The following DCC variants were observed in gnomAD, a reference collection of about 807,000 sequenced individuals.
The protein encoded by DCC is netrin receptor DCC.
DCC carries 58 observed loss-of-function variants against 172.5 expected under a neutral mutation model. The ratio of observed to expected loss-of-function variants is 0.34; its 90% CI spans 0.27 to 0.42. DCC has a LOEUF of 0.42. Among genes scored for constraint, DCC ranks in the 10% least tolerant of loss-of-function variants. DCC has a pLI of 1.00. For missense variants in DCC, 1,740 were observed against 1,791.0 expected (o/e 0.97, Z 0.51); for synonymous variants, 709 against 644.5 (o/e 1.10, Z -1.52).
chr18:53,265,331 C>G (rs2056660768), intron 12 of DCC, among the ~76,000 whole-genome samples: 1 of 152,016 alleles, frequency 6.6e-6, no homozygotes, highest in African/African-American at 2.4e-5. Flanking sequence ...AAAAGGTAAA[C>G]TTTTTTGCAT....
intron 1 of DCC, among the ~76,000 whole-genome samples, chr18:52,394,316 G>C (rs564770963): frequency 6.6e-6 from 1 of 152,062 alleles, no homozygotes; most frequent in African/African-American, 2.4e-5. Context: ...GCCCAGGCTG[G>C]AGTGCAGAAG....
intron 1 of DCC, among the ~76,000 whole-genome samples, chr18:52,549,319 A>T (rs1196652786): frequency 6.6e-6 from 1 of 152,008 alleles, no homozygotes; most frequent in Non-Finnish European, 1.5e-5. Flanking sequence ...GATACATTCC[A>T]TCTAAATATT....
intron 5 of DCC, among the ~76,000 whole-genome samples, chr18:52,996,574 C>T (rs948909431): frequency 1.3e-5 from 2 of 148,468 alleles, no homozygotes; most frequent in South Asian, 2.1e-4. Flanking sequence ...TTTCTCAGTA[C>T]TTTTATGTTG....
intron 2 of DCC, among the ~76,000 whole-genome samples, chr18:52,875,556 C>G (rs2039390976): frequency 6.6e-6 from 1 of 152,140 alleles, no homozygotes; most frequent in African/African-American, 2.4e-5. Context: ...TTGATACAAA[C>G]TAAACTTGCA....
At chr18:53,494,815 T>TACACACA (rs2046000405) in intron 26 of DCC, among the ~76,000 whole-genome samples, 25 of 152,176 alleles carry the variant, frequency 1.6e-4, no homozygotes, top group Admixed American at 1.6e-3. Flanking sequence ...AAGGTTAATA[T>TACACACA]TGTTATGTGT....
At chr18:52,937,266 C>T (rs1404754360) in intron 5 of DCC, among the ~76,000 whole-genome samples, 1 of 152,106 alleles carries the variant, frequency 6.6e-6, no homozygotes, top group Non-Finnish European at 1.5e-5. Context: ...ATTCTTGACT[C>T]AGAAGAAGAT....
At chr18:52,620,344 A>G (rs1463590536) in intron 1 of DCC, among the ~76,000 whole-genome samples, 1 of 152,212 alleles carries the variant, frequency 6.6e-6, no homozygotes, top group Non-Finnish European at 1.5e-5. Flanking sequence ...ACTAGTTGAA[A>G]TTCTTGGTTT....
At chr18:53,431,137 C>G (rs1227921786) in intron 21 of DCC, among the ~76,000 whole-genome samples, 1 of 152,026 alleles carries the variant, frequency 6.6e-6, no homozygotes, top group Admixed American at 6.6e-5. Context: ...AAAACAGCTA[C>G]AAACTCCCTC....
chr18:53,499,317 T>C lies in DCC; in HGVS notation c.3918T>C (p.Thr1306=), dbSNP rs1568170321. ...CTGCAGCAGTGAGTGAAGGACCAAC[T>C]ACCCAACAACCACCTATGCTGCCCC... ...GRSQSVSEGP[T]TQQPPMLPPS... The change falls in exon 27 of 29, where the codon ACT becomes ACC. Residue 1306 remains threonine (T), a synonymous_variant. Coordinates refer to ENST00000442544, the MANE Select transcript of DCC (RefSeq NM_005215.4). 1 of 1,614,002 alleles carries C rather than the reference T, an allele frequency of 6.2e-7. No homozygotes were observed. Among genetic ancestry groups the C allele is most frequent in the Non-Finnish European group, 8.5e-7 (1 of 1,179,980 alleles).
chr18:52,440,183 G>A (rs143382657), intron 1 of DCC, among the ~76,000 whole-genome samples: 5 of 152,132 alleles, frequency 3.3e-5, no homozygotes, highest in Middle Eastern at 3.4e-3. Flanking sequence ...CCCTTCCATC[G>A]CAGTGCCATT....
intron 12 of DCC, among the ~76,000 whole-genome samples, chr18:53,257,820 G>A (rs7235491): frequency 0.02 from 3,050 of 152,206 alleles, 108 homozygotes; most frequent in African/African-American, 0.07. Context: ...GGTAGAATTT[G>A]GCTGTGAATC....
intron 7 of DCC, among the ~76,000 whole-genome samples, chr18:53,090,698 C>CAAAAAAAAAAAAAAAACAAAAAAAA (rs2042991027): frequency 5.1e-5 from 2 of 39,356 alleles, no homozygotes; most frequent in African/African-American, 8.0e-5. Context: ...CGTCCCCCAA[C>CAAAAAAAAAAAAAAAACAAAAAAAA]AAAAAAAAAA....
intron 5 of DCC, among the ~76,000 whole-genome samples, chr18:52,981,590 A>C (rs2041210023): frequency 6.6e-6 from 1 of 152,090 alleles, no homozygotes; most frequent in Non-Finnish European, 1.5e-5. Context: ...ATATGTCTCT[A>C]TAGGTGTTGC....
intron 7 of DCC, among the ~76,000 whole-genome samples, chr18:53,094,675 T>C (rs570922799): frequency 5.3e-5 from 8 of 152,312 alleles, no homozygotes; most frequent in Non-Finnish European, 1.2e-4. Flanking sequence ...AGATACAATA[T>C]AGAGAGATGG....
At chr18:52,408,955 T>A (rs974174889) in intron 1 of DCC, 2 of 152,092 alleles carry the variant, frequency 1.3e-5, no homozygotes, top group African/African-American at 4.8e-5. Flanking sequence ...CCTTATGAGG[T>A]AGATCCAAAA....
chr18:53,207,639 G>A (rs774306305), intron 10 of DCC, 40 bp from the exon 11 acceptor site: 9 of 1,592,818 alleles, frequency 5.7e-6, no homozygotes, highest in Non-Finnish European at 6.0e-6. Context: ...CTACTTTAAT[G>A]TGCTTCCTTG....
chr18:52,444,842 A>G (rs79947478), intron 1 of DCC, among the ~76,000 whole-genome samples: 1 of 152,280 alleles, frequency 6.6e-6, no homozygotes, highest in Admixed American at 6.5e-5. Flanking sequence ...TATATTTTCA[A>G]ATTAAATCCA....
chr18:52,471,558 T>G (rs1414818187), intron 1 of DCC, among the ~76,000 whole-genome samples: 1 of 152,208 alleles, frequency 6.6e-6, no homozygotes. Flanking sequence ...CTTAAGAAAC[T>G]TATTTCAGCA....
chr18:53,386,934 C>G (rs1908208137), intron 16 of DCC, among the ~76,000 whole-genome samples: 1 of 152,154 alleles, frequency 6.6e-6, no homozygotes, highest in Admixed American at 6.5e-5. Flanking sequence ...CTTCCCCAAA[C>G]CCCTGCCACA....
Sources: gnomAD v4.1 joint callset for allele counts (sites outside exome capture counted in the v4.1 genomes callset) on GRCh38, gnomAD v4.1.1 for gene constraint, MANE v1.5 for transcripts, NCBI Gene and HGNC (gene_info 2026-07-23, HGNC 2026-07-21) for gene names.